PTPRT: variants seen among roughly 807,000 people sequenced by gnomAD.
The protein encoded by PTPRT is receptor-type tyrosine-protein phosphatase T.
Under a neutral mutation model 176.8 loss-of-function variants are expected in PTPRT, and 56 were observed. The observed-to-expected ratio is 0.32, with a 90% confidence interval of 0.26 to 0.40. PTPRT has a LOEUF of 0.40. Ranked by LOEUF, PTPRT falls within the 10% of genes least tolerant of loss-of-function variation. PTPRT has a pLI of 1.00. For synonymous variants in PTPRT, 783 were observed against 739.0 expected, an observed-to-expected ratio of 1.06 and a Z score of -0.96; for missense variants, 1,540 against 1,908.2, an observed-to-expected ratio of 0.81 and a Z score of 3.60.
chr20:43,123,499 C>T (rs908813054), intron 1 of PTPRT, among the ~76,000 whole-genome samples: 1 of 152,122 alleles, frequency 6.6e-6, no homozygotes, highest in African/African-American at 2.4e-5. Flanking sequence ...AGAACACGCC[C>T]TTTTCTATGT....
chr20:42,883,996 C>T (rs976166572), intron 2 of PTPRT, among the ~76,000 whole-genome samples: 1 of 151,702 alleles, frequency 6.6e-6, no homozygotes, highest in African/African-American at 2.4e-5. Context: ...CACGTATACA[C>T]ACTATAAGAT....
chr20:42,929,133 T>C (rs1979669511), intron 1 of PTPRT, among the ~76,000 whole-genome samples: 1 of 152,232 alleles, frequency 6.6e-6, no homozygotes, highest in Admixed American at 6.5e-5. Flanking sequence ...ATTTCTAACA[T>C]CCTTAGCATG....
At chr20:43,118,596 T>C (rs1445084546) in intron 1 of PTPRT, among the ~76,000 whole-genome samples, 1 of 152,078 alleles carries the variant, frequency 6.6e-6, no homozygotes, top group African/African-American at 2.4e-5. Flanking sequence ...CACGCCACCA[T>C]GCCCGGCTAA....
At chr20:42,749,407 G>A (rs755300261) in intron 6 of PTPRT, among the ~76,000 whole-genome samples, 17 of 152,130 alleles carry the variant, frequency 1.1e-4, no homozygotes, top group African/African-American at 2.2e-4. Context: ...TCCAGACTGC[G>A]CTCATTGTTC....
intron 4 of PTPRT, among the ~76,000 whole-genome samples, chr20:42,773,865 G>T (rs1476695400): frequency 2.0e-5 from 3 of 152,186 alleles, no homozygotes; most frequent in African/African-American, 4.8e-5. Context: ...GTTTTACAAA[G>T]AAATGCTCTT....
At chr20:43,148,235 G>T (rs2014234389) in intron 1 of PTPRT, among the ~76,000 whole-genome samples, 2 of 152,064 alleles carry the variant, frequency 1.3e-5, no homozygotes, top group Non-Finnish European at 2.9e-5. Context: ...TGCTTCAATT[G>T]TTCACATGTC....
intron 7 of PTPRT, among the ~76,000 whole-genome samples, chr20:42,540,406 AAG>A (rs1176144370): frequency 1.3e-5 from 2 of 152,280 alleles, no homozygotes; most frequent in Non-Finnish European, 2.9e-5. Flanking sequence ...AAAGAAAAAA[AAG>A]AAGTGAGGAT....
chr20:42,376,814 G>A (rs2058654235), intron 9 of PTPRT, among the ~76,000 whole-genome samples: 1 of 152,150 alleles, frequency 6.6e-6, no homozygotes, highest in Admixed American at 6.5e-5. Context: ...GGGTGATCGA[G>A]TCTATAGTGG....
intron 6 of PTPRT, among the ~76,000 whole-genome samples, chr20:42,689,305 T>C (rs1444730366): frequency 6.6e-6 from 1 of 152,178 alleles, no homozygotes. Context: ...GTCTGGACGC[T>C]GAGGGGGGTT....
intron 7 of PTPRT, among the ~76,000 whole-genome samples, chr20:42,637,321 A>C (rs1159165135): frequency 6.6e-6 from 1 of 152,128 alleles, no homozygotes. Context: ...GCCAGCAAGG[A>C]TCTATGTGAT....
chr20:42,143,601 T>C (rs556177741), intron 17 of PTPRT, among the ~76,000 whole-genome samples: 128 of 150,102 alleles, frequency 8.5e-4, no homozygotes, highest in Non-Finnish European at 1.6e-3. Context: ...AGGCAACACA[T>C]GATGGTACCT....
At chr20:42,317,634 C>G (rs889072329) in intron 11 of PTPRT, among the ~76,000 whole-genome samples, 1 of 152,106 alleles carries the variant, frequency 6.6e-6, no homozygotes, top group Admixed American at 6.5e-5. Flanking sequence ...CATCTAAAGA[C>G]ACTTGATTAA....
At chr20:42,418,009 T>C (rs1474876841) in intron 9 of PTPRT, among the ~76,000 whole-genome samples, 9 of 152,262 alleles carry the variant, frequency 5.9e-5, no homozygotes, top group East Asian at 1.9e-4. Flanking sequence ...CATAAGCTCA[T>C]TTTATCCTCA....
chr20:43,088,336 GTGTGT>G (rs1568777494), intron 1 of PTPRT, among the ~76,000 whole-genome samples: 548 of 15,154 alleles, frequency 0.036, 1 homozygote, highest in South Asian at 0.067. Context: ...GCTTTGGGGT[GTGTGT>G]GTGTGTGTGT....
At chr20:42,191,919 T>C (rs1188791877) in intron 16 of PTPRT, among the ~76,000 whole-genome samples, 1 of 151,944 alleles carries the variant, frequency 6.6e-6, no homozygotes, top group Non-Finnish European at 1.5e-5. Context: ...AAGTACTCAA[T>C]GAGTATCTGA....
At chr20:42,220,937 C>T (rs1190581983) in intron 15 of PTPRT, among the ~76,000 whole-genome samples, 1 of 152,172 alleles carries the variant, frequency 6.6e-6, no homozygotes, top group Non-Finnish European at 1.5e-5. Context: ...AATGATCTTG[C>T]TCCTGTTTTA....
At chr20:42,723,382 G>C (rs570179508) in intron 6 of PTPRT, among the ~76,000 whole-genome samples, 35 of 152,256 alleles carry the variant, frequency 2.3e-4, no homozygotes, top group African/African-American at 8.2e-4. Context: ...TGTCCCATTC[G>C]AAGCTGCAGT....
chr20:42,908,719 C>A (rs2079509537), intron 1 of PTPRT, among the ~76,000 whole-genome samples: 1 of 152,154 alleles, frequency 6.6e-6, no homozygotes. Flanking sequence ...TATCAAATTT[C>A]TTTCATGTGT....
rs139383715 is a variant in PTPRT at position 42,505,500 on chromosome 20, T to C, written c.1154-32938A>G. Among the ~76,000 whole-genome samples, 1,122 of 152,140 alleles carry C rather than the reference T, an allele frequency of 7.4e-3. 10 individuals are homozygous for C. The highest frequency in any genetic ancestry group is 0.026 in the African/African-American group (1,062 of 41,528). ...TATTTTTAGTAGAGACCAGGTTTCA[T>C]CATGTTGGTCAGGCTGGTTTTGAAT... On this transcript the variant is annotated intron_variant, in intron 7 of 30. Coordinates refer to ENST00000373187, the MANE Select transcript of PTPRT (RefSeq NM_007050.6).
Sources: allele counts gnomAD v4.1 joint callset (sites outside exome capture counted in the v4.1 genomes callset), GRCh38; gene constraint gnomAD v4.1.1; transcripts MANE v1.5; gene names NCBI Gene and HGNC (gene_info 2026-07-23, HGNC 2026-07-21).